IAPP: variants seen among roughly 807,000 people sequenced by gnomAD.
IAPP encodes Islet amyloid polypeptide (diabetes-associated peptide; amylin).
A neutral mutation model predicts 2.9 loss-of-function variants in IAPP; 4 were observed. The ratio of observed to expected loss-of-function variants is 1.39; its 90% CI spans 0.69 to 3.19. IAPP has a LOEUF of 3.19. Ranked by LOEUF, IAPP falls within the 30% of genes most tolerant of loss-of-function variation. The pLI is 0.01. For synonymous variants in IAPP, 40 were observed against 42.1 expected (o/e 0.95, Z 0.19); for missense variants, 114 against 105.3 (o/e 1.08, Z -0.36).
chr12:21,365,240 C>T (rs547747381), intron 1 of IAPP, among the ~76,000 whole-genome samples: 1 of 152,084 alleles, frequency 6.6e-6, no homozygotes, highest in Non-Finnish European at 1.5e-5. Flanking sequence ...AGAAATAATA[C>T]CACACATCTA....
At chr12:21,358,456 A>C (rs1021932551) in intron 1 of IAPP, among the ~76,000 whole-genome samples, 2 of 152,214 alleles carry the variant, frequency 1.3e-5, no homozygotes, top group Non-Finnish European at 2.9e-5. Flanking sequence ...TTTTAAAACT[A>C]TGTAGCAACA....
At chr12:21,373,074 G>A (rs1939917921) in intron 1 of IAPP, 70 bp downstream of exon 1, 1 of 412,128 alleles carries the variant, frequency 2.4e-6, no homozygotes, top group African/African-American at 2.0e-5. Context: ...TTAAATTCAT[G>A]GTTTATTTCA....
Position 21,357,595 on chromosome 12 carries a change from G to A in IAPP, c.-16+2582G>A, listed in dbSNP as rs1159200869. 2.6e-5 allele frequency among the ~76,000 whole-genome samples: 4 copies of A among 152,294 alleles called. No individual in the cohort carries two copies. The South Asian group carries it at 6.2e-4, about 24-fold the overall frequency. On this transcript the variant is annotated intron_variant, in intron 1 of 2. Transcript: ENST00000539393. ...AATCTCCAACTGGACTATATGTAAG[G>A]ATTTAGCGTCCAATAGATGCTCTAA...
At chr12:21,363,531 G>A (rs1368954710) in intron 1 of IAPP, among the ~76,000 whole-genome samples, 1 of 152,070 alleles carries the variant, frequency 6.6e-6, no homozygotes, top group Non-Finnish European at 1.5e-5. Flanking sequence ...CAGAAGGCAA[G>A]AAATAACTAA....
At chr12:21,366,033 G>A (rs1267456530) in intron 1 of IAPP, among the ~76,000 whole-genome samples, 4 of 152,174 alleles carry the variant, frequency 2.6e-5, no homozygotes, top group Admixed American at 2.6e-4. Context: ...ATTTGACCCA[G>A]CCATCCCATT....
chr12:21,373,032 TTTTA>T (rs1939914837), intron 1 of IAPP, 28 bp downstream of exon 1: 1 of 293,622 alleles, frequency 3.4e-6, no homozygotes, highest in African/African-American at 2.2e-5. Flanking sequence ...TCTGGGAAAG[TTTTA>T]TTTATTTAGA....
chr12:21,374,960 C>G (rs1302816381), intron 2 of IAPP, among the ~76,000 whole-genome samples: 2 of 151,942 alleles, frequency 1.3e-5, no homozygotes, highest in Non-Finnish European at 2.9e-5. Context: ...ACCACAGGCA[C>G]CTGCCACCAT....
chr12:21,378,486 C>A lies in IAPP; in HGVS notation c.*60C>A. ...TCTAGTGATTTCCTGTATAATTTAA[C>A]AGTGCCCTTTTCATCTCCAGTGTGA... is the stretch of plus-strand genomic sequence containing the variant. On this transcript the variant is annotated 3_prime_UTR_variant, in exon 3 of 3. Coordinates refer to ENST00000240652, the MANE Select transcript of IAPP (RefSeq NM_000415.3). The A allele has an allele frequency of 7.2e-7, 1 of 1,387,988 alleles. No homozygotes were observed. Among genetic ancestry groups the A allele is most frequent in the African/African-American group, 1.4e-5 (1 of 70,414 alleles). 86.0% of individuals were successfully genotyped at this position (1,387,988 alleles called of 1,614,324 possible). A position where few individuals can be genotyped will look rare whatever the true frequency, so the allele number is the denominator to read the frequency against.
intron 1 of IAPP, among the ~76,000 whole-genome samples, chr12:21,361,879 G>A (rs922148973): frequency 6.6e-6 from 1 of 152,152 alleles, no homozygotes; most frequent in African/African-American, 2.4e-5. Flanking sequence ...AAGCCTCCAA[G>A]AAATATGGGA....
upstream of IAPP, among the ~76,000 whole-genome samples, chr12:21,372,106 A>T (rs375541064): frequency 6.6e-5 from 10 of 152,352 alleles, no homozygotes; most frequent in African/African-American, 2.2e-4. Flanking sequence ...GACAAACTAC[A>T]AAGTACTGTG....
At chr12:21,373,058 T>G (rs1939916568) in intron 1 of IAPP, 54 bp downstream of exon 1, 3 of 377,050 alleles carry the variant, frequency 8.0e-6, no homozygotes, top group Admixed American at 4.3e-5. Flanking sequence ...AAATGCACAC[T>G]TGGTGTTAAA....
At chr12:21,372,787 G>A (rs903713779), upstream of IAPP, 1 of 156,492 alleles carries the variant, frequency 6.4e-6, no homozygotes, top group African/African-American at 2.4e-5. Context: ...CTGCCTGTGA[G>A]GTACTTTCTA....
At chr12:21,359,374 T>G (rs1938631765) in intron 1 of IAPP, among the ~76,000 whole-genome samples, 1 of 152,064 alleles carries the variant, frequency 6.6e-6, no homozygotes, top group Non-Finnish European at 1.5e-5. Context: ...TCAACTTGAC[T>G]ATTCACTCCT....
intron 1 of IAPP, among the ~76,000 whole-genome samples, chr12:21,366,195 T>C (rs1939365521): frequency 6.6e-6 from 1 of 152,222 alleles, no homozygotes; most frequent in African/African-American, 2.4e-5. Context: ...GTGGCACATA[T>C]ACACCATGGA....
At chr12:21,366,459 G>A (rs2045943) in intron 1 of IAPP, among the ~76,000 whole-genome samples, 48,881 of 151,580 alleles carry the variant, frequency 0.32, 8,137 homozygotes, top group East Asian at 0.46. Flanking sequence ...ACGAGTTGAC[G>A]GGTGCAGCAC....
chr12:21,356,132 G>A (rs910072220), intron 1 of IAPP, among the ~76,000 whole-genome samples: 5 of 151,942 alleles, frequency 3.3e-5, no homozygotes, highest in Non-Finnish European at 5.9e-5. Context: ...AGTAACTAGC[G>A]CTGTGACTTT....
intron 1 of IAPP, among the ~76,000 whole-genome samples, chr12:21,364,799 G>T (rs1939236300): frequency 6.6e-6 from 1 of 152,090 alleles, no homozygotes; most frequent in South Asian, 2.1e-4. Context: ...ATTCACAGTT[G>T]CTTCAAAGAG....
intron 1 of IAPP, among the ~76,000 whole-genome samples, chr12:21,355,971 T>C (rs1367626992): frequency 6.6e-6 from 1 of 152,120 alleles, no homozygotes; most frequent in African/African-American, 2.4e-5. Flanking sequence ...GCATATCAGA[T>C]ACAGATGAAA....
chr12:21,360,134 G>T (rs1228070635), intron 1 of IAPP, among the ~76,000 whole-genome samples: 1 of 152,112 alleles, frequency 6.6e-6, no homozygotes, highest in Admixed American at 6.6e-5. Flanking sequence ...CCTGAGGAGT[G>T]GGTTGGGGAG....
Sources: gnomAD v4.1 joint callset for allele counts (sites outside exome capture counted in the v4.1 genomes callset) on GRCh38, gnomAD v4.1.1 for gene constraint, MANE v1.5 for transcripts, NCBI Gene and HGNC (gene_info 2026-07-23, HGNC 2026-07-21) for gene names.